RTN4: variants seen among roughly 807,000 people sequenced by gnomAD.
RTN4 encodes the protein reticulon 4.
A neutral mutation model predicts 90.4 loss-of-function variants in RTN4; 32 were observed. The ratio of observed to expected loss-of-function variants is 0.35; its 90% CI spans 0.27 to 0.48. RTN4 has a LOEUF of 0.48. RTN4 is among the 20% of genes least tolerant of loss of function. The probability of loss-of-function intolerance (pLI) is 0.99; values close to 1 mark genes in which losing one functional copy is unlikely to be tolerated. For synonymous variants in RTN4, 629 were observed against 552.5 expected, an observed-to-expected ratio of 1.14 and a Z score of -1.94; for missense variants, 1,706 against 1,430.2, an observed-to-expected ratio of 1.19 and a Z score of -3.11.
chr2:55,056,479 A>G lies in RTN4; in HGVS notation c.-63+24010T>C, dbSNP rs2104997171. On this transcript the variant is annotated intron_variant, in intron 2 of 3. Transcript: ENST00000427710. ...TGGTGGCTCGTACCTGTAATTCCAC[A>G]CTTTGAGAGGCGAAGGTGGGCAAAT... 4 of 152,174 alleles carry G rather than the reference A, an allele frequency of 2.6e-5. 1 individual carries two copies. The South Asian group carries it at 8.3e-4, about 32-fold the overall frequency. The allele number at this position is 152,174 out of a possible 1,614,324, so 9.4% of individuals were successfully genotyped here. A position where few individuals can be genotyped will look rare whatever the true frequency, so the allele number is the denominator to read the frequency against.
In RTN4 at chr2:55,025,439, C is replaced by G; in HGVS notation, c.2660G>C (p.Arg887Thr). 6.2e-7 allele frequency: 1 copy of G among 1,613,812 alleles called. No homozygotes were observed. Among genetic ancestry groups the G allele is most frequent in the Non-Finnish European group, 8.5e-7 (1 of 1,179,850 alleles). ...GGATACTTCTAGGTCAGTATATTCCCTGGCTAATTTAGAAAATGAATCAGT... is the reference window on the plus strand; with the variant it reads ...GGATACTTCTAGGTCAGTATATTCCGTGGCTAATTTAGAAAATGAATCAGT... ...SKTDSFSKLA[R>T]EYTDLEVSHK... The change falls in exon 3 of 9, where the codon AGG (arginine) becomes ACG (threonine). Residue 887 changes from arginine to threonine, a missense_variant. Arg to Thr is a moderately conservative substitution (Grantham distance 71). Coordinates refer to ENST00000337526, the MANE Select transcript of RTN4 (RefSeq NM_020532.5).
chr2:54,982,293 G>A (rs1178796381), intron 5 of RTN4, among the ~76,000 whole-genome samples: 2 of 151,832 alleles, frequency 1.3e-5, no homozygotes, highest in Non-Finnish European at 2.9e-5. Flanking sequence ...CTTTAAAAAG[G>A]AATACAGGAC....
intron 5 of RTN4, among the ~76,000 whole-genome samples, chr2:54,979,589 A>G (rs1219071843): frequency 2.0e-5 from 3 of 152,240 alleles, no homozygotes; most frequent in Non-Finnish European, 4.4e-5. Flanking sequence ...CTACTCATAT[A>G]CAATGACATT....
At chr2:55,011,913 A>G (rs1680672918) in intron 3 of RTN4, among the ~76,000 whole-genome samples, 1 of 152,156 alleles carries the variant, frequency 6.6e-6, no homozygotes. Context: ...CCCCTGCATA[A>G]TGTGATATTT....
chr2:55,027,627 A>G (rs1274812813), intron 2 of RTN4, 142 bp from the exon 3 acceptor site: 8 of 807,254 alleles, frequency 9.9e-6, no homozygotes, highest in Admixed American at 3.1e-5. Flanking sequence ...ATAAGTAACA[A>G]TAGAGTAGAC....
At chr2:54,977,595 T>G (rs1417248953) in intron 5 of RTN4, among the ~76,000 whole-genome samples, 1 of 152,146 alleles carries the variant, frequency 6.6e-6, no homozygotes, top group African/African-American at 2.4e-5. Flanking sequence ...CTAAGAAGGC[T>G]CAGTCAGACT....
At chr2:55,040,624 T>A (rs1205714332) in intron 1 of RTN4, among the ~76,000 whole-genome samples, 1 of 152,114 alleles carries the variant, frequency 6.6e-6, no homozygotes, top group African/African-American at 2.4e-5. Context: ...AGTTCACAGA[T>A]CTGTAAATAT....
At chr2:55,071,766 C>CT (rs35222633) in intron 2 of RTN4, among the ~76,000 whole-genome samples, 1 of 152,028 alleles carries the variant, frequency 6.6e-6, no homozygotes, top group African/African-American at 2.4e-5. Flanking sequence ...ACCCCTGAAT[C>CT]TTTTTAGAGA....
chr2:54,982,630 G>T lies in RTN4; in HGVS notation c.3245C>A (p.Ala1082Asp), dbSNP rs147780849. ...PFRAYLESEV[A>D]ISEELVQKYS... is the part of the protein sequence containing the mutation. ...CTTCTGAACCAACTCCTCAGATATA[G>T]CAACTTCAGATTCCAGATATGCCCT... Residue 1082 changes from alanine to aspartate, a missense_variant, in exon 5 of 9, where the codon GCT (alanine) becomes GAT (aspartate). Ala to Asp is a moderately radical substitution (Grantham distance 126). Transcript: ENST00000337526. The T allele has an allele frequency of 8.7e-6, 14 of 1,609,714 alleles. No homozygotes were observed. The Admixed American group carries it at 2.2e-4, about 25-fold the overall frequency.
At chr2:54,977,115 G>A (rs1026557072) in intron 5 of RTN4, among the ~76,000 whole-genome samples, 2 of 151,482 alleles carry the variant, frequency 1.3e-5, no homozygotes, top group African/African-American at 4.8e-5. Flanking sequence ...CAAACGGTGG[G>A]AGAGTGCTTA....
intron 1 of RTN4, among the ~76,000 whole-genome samples, chr2:55,083,730 A>G (rs1312963384): frequency 1.3e-5 from 2 of 152,240 alleles, no homozygotes; most frequent in Non-Finnish European, 2.9e-5. Context: ...AATGGGGACT[A>G]GATCCTCTTT....
At chr2:55,120,495 T>C in the RTN4 span, among the ~76,000 whole-genome samples, 1 of 151,970 alleles carries the variant, frequency 6.6e-6, no homozygotes, top group African/African-American at 2.4e-5. Context: ...TGTCCCTCCA[T>C]TCTGCTTGTC....
chr2:55,054,523 A>G (rs566381103), upstream of RTN4, among the ~76,000 whole-genome samples: 39 of 152,246 alleles, frequency 2.6e-4, 1 homozygote, highest in South Asian at 7.0e-3. Flanking sequence ...TGACACCTAA[A>G]CTGGTATTTG....
rs559588105 is a variant in RTN4, at chr2:54,992,367, T to A, written c.3014-4669A>T. ...TGCTTCAAAATGTTATACGTGTGCATGCATAACAAATGGGCAAAGTGTAGG... is the reference window on the plus strand; with the variant it reads ...TGCTTCAAAATGTTATACGTGTGCAAGCATAACAAATGGGCAAAGTGTAGG... On this transcript the variant is annotated intron_variant, in intron 3 of 8. Coordinates refer to ENST00000337526, the MANE Select transcript of RTN4 (RefSeq NM_020532.5). Among the ~76,000 whole-genome samples the A allele has an allele frequency of 4.6e-5, 7 of 152,328 alleles. No homozygotes were observed. In the South Asian group the frequency reaches 1.2e-3, roughly 27 times the overall value.
At chr2:55,039,050 C>G (rs1037968059) in intron 1 of RTN4, among the ~76,000 whole-genome samples, 2 of 152,130 alleles carry the variant, frequency 1.3e-5, no homozygotes, top group Non-Finnish European at 2.9e-5. Context: ...TAAAACTAAT[C>G]TATGATGAAA....
rs758652243 is a variant in RTN4, at chr2:55,026,850, C to G, written c.1249G>C (p.Glu417Gln). ...AAGGKIESNL[E>Q]SKVDKKCFAD... ...AAACATTTTTTATCCACTTTACTTT[C>G]CAAGTTGCTCTCGATTTTACCTCCA... The change falls in exon 3 of 9, where the codon GAA (glutamate) becomes CAA (glutamine). Residue 417 changes from glutamate (E) to glutamine (Q), a missense_variant. Transcript: ENST00000337526. 4.3e-6 allele frequency: 7 copies of G among 1,613,892 alleles called. No homozygotes were observed. The highest frequency in any genetic ancestry group is 5.1e-6 in the Non-Finnish European group (6 of 1,179,880).
intron 3 of RTN4, among the ~76,000 whole-genome samples, chr2:54,996,649 G>A (rs1454392052): frequency 6.6e-5 from 10 of 152,196 alleles, no homozygotes; most frequent in African/African-American, 2.2e-4. Context: ...AACAAATGAC[G>A]TTGGATTCTT....
intron 3 of RTN4, among the ~76,000 whole-genome samples, chr2:55,004,400 T>A (rs1466648681): frequency 9.2e-5 from 14 of 152,174 alleles, no homozygotes; most frequent in Non-Finnish European, 4.4e-5. Context: ...TGGTCCTGTG[T>A]GGGCCTGACA....
At chr2:55,078,648 A>T (rs539234746) in intron 2 of RTN4, among the ~76,000 whole-genome samples, 2 of 152,318 alleles carry the variant, frequency 1.3e-5, no homozygotes, top group East Asian at 3.9e-4. Flanking sequence ...ATATAAAATG[A>T]CTCAAAAATT....
Sources: gnomAD v4.1 joint callset for allele counts (sites outside exome capture counted in the v4.1 genomes callset) on GRCh38, gnomAD v4.1.1 for gene constraint, MANE v1.5 for transcripts, NCBI Gene and HGNC (gene_info 2026-07-23, HGNC 2026-07-21) for gene names.